Variants in CPLX4 observed in about 807,000 individuals in gnomAD.
CPLX4 encodes complexin-4.
Under a neutral mutation model 16.1 loss-of-function variants are expected in CPLX4, and 17 were observed. That is an observed-to-expected ratio of 1.06 (90% CI 0.72 to 1.59). CPLX4 has a LOEUF of 1.59. CPLX4 is among the 40% of genes most tolerant of loss of function. CPLX4 has a pLI of 0.00. For synonymous variants in CPLX4, 55 were observed against 57.8 expected (o/e 0.95, Z 0.22); for missense variants, 193 against 192.9 (o/e 1.00, Z 0.00).
chr18:59,297,224 C>A (rs1170768829), intron 2 of CPLX4, among the ~76,000 whole-genome samples: 1 of 152,106 alleles, frequency 6.6e-6, no homozygotes, highest in Non-Finnish European at 1.5e-5. Context: ...TTCTTGGGCC[C>A]CATCCCAGAC....
At chr18:59,308,540 A>AC (rs2070593605) in intron 2 of CPLX4, among the ~76,000 whole-genome samples, 1 of 111,250 alleles carries the variant, frequency 9.0e-6, no homozygotes, top group Non-Finnish European at 1.8e-5. Flanking sequence ...ACCTATCAAG[A>AC]CTTTTTTTTT....
At chr18:59,297,122 C>A (rs12456930) in intron 2 of CPLX4, among the ~76,000 whole-genome samples, 197 bp from the exon 3 acceptor site, 1 of 151,688 alleles carries the variant, frequency 6.6e-6, no homozygotes, top group Non-Finnish European at 1.5e-5. Flanking sequence ...TGGCACCTTG[C>A]GTCGATCAGA....
intron 2 of CPLX4, among the ~76,000 whole-genome samples, chr18:59,310,947 CGTGTGTGTGTGTGTGTGTGTGT>C (rs56041362): frequency 1.4e-5 from 2 of 143,540 alleles, no homozygotes; most frequent in Admixed American, 7.0e-5. Flanking sequence ...CCCAGCCAAT[CGTGTGTGTGTGTGTGTGTGTGT>C]GTGTGTGTGT....
In CPLX4 at chr18:59,296,443, G is replaced by A; in HGVS notation, c.*255C>T. ...AGGTCTTTAAGCAGATATGTGTTCT[G>A]CATCATCATTTACAACTGAAATTTT... is the stretch of plus-strand genomic sequence containing the variant. On this transcript the variant is annotated 3_prime_UTR_variant, in exon 3 of 3. Transcript: ENST00000299721. The A allele has an allele frequency of 3.8e-6, 2 of 527,374 alleles. No homozygotes were observed. Among genetic ancestry groups the A allele is most frequent in the Non-Finnish European group, 6.7e-6 (2 of 299,478 alleles). 32.7% of individuals were successfully genotyped at this position (527,374 alleles called of 1,614,324 possible).
intron 2 of CPLX4, among the ~76,000 whole-genome samples, chr18:59,306,963 G>T (rs1258850755): frequency 6.6e-6 from 1 of 152,190 alleles, no homozygotes; most frequent in Non-Finnish European, 1.5e-5. Flanking sequence ...AGATGGCACA[G>T]GTTAAGTATT....
chr18:59,297,969 T>C (rs1253331367), intron 2 of CPLX4, among the ~76,000 whole-genome samples: 1 of 152,226 alleles, frequency 6.6e-6, no homozygotes, highest in African/African-American at 2.4e-5. Context: ...CTCAGCATAC[T>C]GGCAGTCTAG....
Position 59,305,817 on chromosome 18 carries a change from C to T in CPLX4, c.255+6868G>A, listed in dbSNP as rs978597068. On this transcript the variant is annotated intron_variant, in intron 2 of 2. Coordinates refer to ENST00000299721, the MANE Select transcript of CPLX4 (RefSeq NM_181654.4). ...AGCCCTCGAGGACAATGTGCAGGCT[C>T]GAGTGAGAAGAAGAGCCAGCCAAGG... 2.3e-4 allele frequency among the ~76,000 whole-genome samples: 35 copies of T among 152,112 alleles called. 1 individual carries two copies. Among genetic ancestry groups the T allele is most frequent in the Non-Finnish European group, 7.4e-5 (5 of 68,026 alleles).
chr18:59,314,879 C>T (rs537505384), intron 1 of CPLX4, among the ~76,000 whole-genome samples: 2 of 152,122 alleles, frequency 1.3e-5, no homozygotes, highest in Non-Finnish European at 2.9e-5. Context: ...CTATTGTTTG[C>T]GCAAATACAA....
chr18:59,299,028 G>A (rs12232751), intron 2 of CPLX4, among the ~76,000 whole-genome samples: 37,552 of 152,214 alleles, frequency 0.25, 5,006 homozygotes, highest in South Asian at 0.34. Context: ...GCCAGCCTCC[G>A]GAGATAAGTG....
chr18:59,312,552 T>TA (rs202153704), intron 2 of CPLX4, 133 bp downstream of exon 2: 2,574 of 195,492 alleles, frequency 0.013, 67 homozygotes, highest in African/African-American at 0.06. Context: ...TATATATATT[T>TA]TTATATATAT....
intron 2 of CPLX4, among the ~76,000 whole-genome samples, chr18:59,302,443 A>C (rs1164437523): frequency 6.6e-6 from 1 of 152,264 alleles, no homozygotes; most frequent in Non-Finnish European, 1.5e-5. Flanking sequence ...TGAGTGAGCC[A>C]GCACATAATT....
chr18:59,312,972 T>C (rs2070627839), intron 1 of CPLX4, among the ~76,000 whole-genome samples, 200 bp from the exon 2 acceptor site: 1 of 152,156 alleles, frequency 6.6e-6, no homozygotes, highest in South Asian at 2.1e-4. Flanking sequence ...TTTCAGTATA[T>C]ACCTCTAAGT....
At chr18:59,302,627 T>C (rs1181698991) in intron 2 of CPLX4, among the ~76,000 whole-genome samples, 1 of 152,250 alleles carries the variant, frequency 6.6e-6, no homozygotes. Context: ...TTATTATCTT[T>C]ATGGCCAGTG....
intron 2 of CPLX4, among the ~76,000 whole-genome samples, chr18:59,299,446 G>A (rs375729557): frequency 6.6e-6 from 1 of 152,198 alleles, no homozygotes; most frequent in Non-Finnish European, 1.5e-5. Flanking sequence ...CTGTGGGCTT[G>A]CAGGGATGGG....
rs12457584 is a variant in CPLX4 at position 59,303,725 on chromosome 18, C to T, written c.256-6800G>A. ...AGATGACGTGAGAAAGCTGGTGTGG[C>T]CAAGCAACACGTCTTGAAATCCTGC... On this transcript the variant is annotated intron_variant, in intron 2 of 2. Coordinates refer to ENST00000299721, the MANE Select transcript of CPLX4 (RefSeq NM_181654.4). Among the ~76,000 whole-genome samples the T allele has an allele frequency of 0.019, 2,833 of 152,280 alleles. 209 individuals carry two copies. The East Asian group carries it at 0.25, about 13-fold the overall frequency.
At chr18:59,310,005 T>C (rs1006827700) in intron 2 of CPLX4, among the ~76,000 whole-genome samples, 2 of 152,130 alleles carry the variant, frequency 1.3e-5, no homozygotes, top group African/African-American at 4.8e-5. Context: ...TTAACCCTCC[T>C]GGGCTGCAGT....
At chr18:59,312,151 A>T (rs1482057318) in intron 2 of CPLX4, among the ~76,000 whole-genome samples, 1 of 152,196 alleles carries the variant, frequency 6.6e-6, no homozygotes, top group East Asian at 1.9e-4. Context: ...TGTACCTGGT[A>T]CCTAGAAAGA....
chr18:59,300,583 T>C (rs2070534071), intron 2 of CPLX4, among the ~76,000 whole-genome samples: 1 of 152,216 alleles, frequency 6.6e-6, no homozygotes, highest in Non-Finnish European at 1.5e-5. Flanking sequence ...TTCGTATAGA[T>C]GGCCTCTTTG....
chr18:59,303,476 C>T (rs1385659440), intron 2 of CPLX4, among the ~76,000 whole-genome samples: 1 of 152,100 alleles, frequency 6.6e-6, no homozygotes, highest in Non-Finnish European at 1.5e-5. Flanking sequence ...GGTAAAGATT[C>T]TTGCAAAAAT....
Sources: allele counts gnomAD v4.1 joint callset (sites outside exome capture counted in the v4.1 genomes callset), GRCh38; gene constraint gnomAD v4.1.1; transcripts MANE v1.5; gene names NCBI Gene and HGNC (gene_info 2026-07-23, HGNC 2026-07-21).